GAREM1: variants seen among roughly 807,000 people sequenced by gnomAD.
GAREM1 encodes the protein GRB2 associated regulator of MAPK1 subtype 1, also known as GRB2-associated and regulator of MAPK protein 1.
In GAREM1, 26 loss-of-function variants were observed where a neutral mutation model predicts 71.3. The observed-to-expected ratio is 0.36, with a 90% CI of 0.27 to 0.51. The LOEUF (loss-of-function observed/expected upper bound fraction) is 0.51. GAREM1 is among the 20% of genes least tolerant of loss of function. GAREM1 has a pLI of 0.95. For missense variants in GAREM1, 1,026 were observed against 1,103.1 expected, an observed-to-expected ratio of 0.93 and a Z score of 0.99; for synonymous variants, 440 against 433.2, an observed-to-expected ratio of 1.02 and a Z score of -0.20.
chr18:32,385,100 G>T (rs2048132650), intron 2 of GAREM1, among the ~76,000 whole-genome samples: 1 of 151,648 alleles, frequency 6.6e-6, no homozygotes, highest in East Asian at 1.9e-4. Flanking sequence ...AGTCTAGAAA[G>T]ATTTCTCAGA....
At chr18:32,419,308 T>C (rs539826012) in intron 1 of GAREM1, among the ~76,000 whole-genome samples, 9 of 152,156 alleles carry the variant, frequency 5.9e-5, no homozygotes, top group Non-Finnish European at 1.3e-4. Flanking sequence ...CCATGGATAA[T>C]AAGCTGAATG....
intron 2 of GAREM1, among the ~76,000 whole-genome samples, chr18:32,382,975 T>C (rs1377985663): frequency 6.6e-6 from 1 of 152,186 alleles, no homozygotes; most frequent in East Asian, 1.9e-4. Flanking sequence ...GTATGGAATG[T>C]AGAAGGCATG....
chr18:32,301,361 A>C (rs1412822474), intron 3 of GAREM1, among the ~76,000 whole-genome samples: 1 of 152,224 alleles, frequency 6.6e-6, no homozygotes, highest in Admixed American at 6.5e-5. Context: ...AAACTACATT[A>C]ATACTGATAG....
At chr18:32,402,209 AT>A (rs1364266559) in intron 1 of GAREM1, among the ~76,000 whole-genome samples, 1 of 152,208 alleles carries the variant, frequency 6.6e-6, no homozygotes, top group African/African-American at 2.4e-5. Context: ...GTAATGAGAC[AT>A]CTAAAAGAAG....
At chr18:32,394,823 G>A (rs2048235107) in intron 1 of GAREM1, among the ~76,000 whole-genome samples, 1 of 152,162 alleles carries the variant, frequency 6.6e-6, no homozygotes, top group Non-Finnish European at 1.5e-5. Context: ...GGTCTCAAGC[G>A]ATGTTCCGCT....
At chr18:32,435,826 A>C (rs925315545) in intron 1 of GAREM1, among the ~76,000 whole-genome samples, 1 of 152,128 alleles carries the variant, frequency 6.6e-6, no homozygotes, top group Non-Finnish European at 1.5e-5. Flanking sequence ...GAATTCCTAG[A>C]GTGTGCCAGG....
At chr18:32,428,236 T>A (rs182967320) in intron 1 of GAREM1, among the ~76,000 whole-genome samples, 1 of 152,344 alleles carries the variant, frequency 6.6e-6, no homozygotes, top group East Asian at 1.9e-4. Context: ...TTAATTCTTA[T>A]AAGCTAGAAA....
chr18:32,282,502 T>C lies in GAREM1; in HGVS notation c.1566+4529A>G, dbSNP rs143184192. Among the ~76,000 whole-genome samples the C allele has an allele frequency of 2.0e-3, 297 of 152,174 alleles. 1 individual carries two copies. The highest frequency in any genetic ancestry group is 6.6e-3 in the African/African-American group (274 of 41,504). On this transcript the variant is annotated intron_variant, in intron 4 of 5. Coordinates refer to ENST00000269209, the MANE Select transcript of GAREM1 (RefSeq NM_001242409.2). ...AGATAGGACACTGCCACACAAATGG[T>C]TTTAGAAGAGCTGTGAACCTGCAGG...
intron 2 of GAREM1, among the ~76,000 whole-genome samples, chr18:32,360,364 G>C (rs1468873058): frequency 6.6e-6 from 1 of 151,900 alleles, no homozygotes. Context: ...TCATATCATG[G>C]ACATTCCTCA....
intron 2 of GAREM1, among the ~76,000 whole-genome samples, chr18:32,386,142 TC>T (rs1191015042): frequency 6.6e-6 from 1 of 152,206 alleles, no homozygotes; most frequent in African/African-American, 2.4e-5. Flanking sequence ...ATAAGCTTTA[TC>T]CCATATAACA....
At chr18:32,286,163 T>G (rs888862329) in intron 4 of GAREM1, among the ~76,000 whole-genome samples, 1 of 152,230 alleles carries the variant, frequency 6.6e-6, no homozygotes, top group Non-Finnish European at 1.5e-5. Context: ...TAGCAAAGGT[T>G]CAGAGTGGCT....
chr18:32,413,165 T>C, intron 1 of GAREM1: 54 of 1,594,954 alleles, frequency 3.4e-5, no homozygotes, highest in Non-Finnish European at 4.5e-5. Flanking sequence ...TAGGAGACTC[T>C]GACTTAGACA....
intron 2 of GAREM1, among the ~76,000 whole-genome samples, chr18:32,358,523 T>C (rs542294447): frequency 3.9e-5 from 6 of 152,288 alleles, no homozygotes; most frequent in East Asian, 3.9e-4. Context: ...TTGTGAAGTA[T>C]TGATATTCTT....
chr18:32,336,153 G>A (rs553916187), intron 2 of GAREM1, among the ~76,000 whole-genome samples: 3 of 152,268 alleles, frequency 2.0e-5, no homozygotes, highest in South Asian at 2.1e-4. Flanking sequence ...ACAGTAGGCC[G>A]GGCACGGTGG....
At chr18:32,415,221 T>C (rs2048456159) in intron 1 of GAREM1, among the ~76,000 whole-genome samples, 1 of 151,934 alleles carries the variant, frequency 6.6e-6, no homozygotes, top group Non-Finnish European at 1.5e-5. Context: ...AAAAGTCTTC[T>C]AGTAAATAAA....
chr18:32,309,014 G>A (rs1390931898), intron 3 of GAREM1, among the ~76,000 whole-genome samples: 1 of 150,082 alleles, frequency 6.7e-6, no homozygotes, highest in East Asian at 2.0e-4. Flanking sequence ...CATGTAGTCT[G>A]TTTTTCACAT....
intron 2 of GAREM1, among the ~76,000 whole-genome samples, chr18:32,315,573 A>C (rs1015119395): frequency 2.5e-4 from 37 of 150,778 alleles, no homozygotes; most frequent in African/African-American, 8.7e-4. Context: ...AGTCTTTCAA[A>C]TCTGGTGTAT....
intron 2 of GAREM1, among the ~76,000 whole-genome samples, chr18:32,356,763 T>C (rs546945799): frequency 6.6e-6 from 1 of 152,232 alleles, no homozygotes; most frequent in East Asian, 1.9e-4. Context: ...AGAAATGGGA[T>C]TCAAATCCAC....
chr18:32,378,554 T>C (rs917092161), intron 2 of GAREM1, among the ~76,000 whole-genome samples: 2 of 151,420 alleles, frequency 1.3e-5, no homozygotes, highest in African/African-American at 2.4e-5. Flanking sequence ...ATTTACACCT[T>C]GGGAAAACAT....
Sources: gnomAD v4.1 joint callset for allele counts (sites outside exome capture counted in the v4.1 genomes callset) on GRCh38, gnomAD v4.1.1 for gene constraint, MANE v1.5 for transcripts, NCBI Gene and HGNC (gene_info 2026-07-23, HGNC 2026-07-21) for gene names.